PITRM1: variants seen among roughly 807,000 people sequenced by gnomAD.
The protein encoded by PITRM1 is pitrilysin metallopeptidase 1.
PITRM1 carries 100 observed loss-of-function variants against 129.9 expected under a neutral mutation model. The observed-to-expected ratio is 0.77, with a 90% CI of 0.65 to 0.91. PITRM1 has a LOEUF of 0.91. Ranked by LOEUF, PITRM1 falls within the 40% of genes least tolerant of loss-of-function variation. PITRM1 has a pLI of 0.00. For synonymous variants in PITRM1, 591 were observed against 508.8 expected, an observed-to-expected ratio of 1.16 and a Z score of -2.17; for missense variants, 1,471 against 1,318.3, an observed-to-expected ratio of 1.12 and a Z score of -1.79.
Position 3,137,896 on chromosome 10 carries a change from G to A in PITRM1, c.*135C>T, listed in dbSNP as rs1268110774. ...ACTCTTAAGATAGATCTGAGTTTTT[G>A]ACTCGCCAGTCAAGGGCTTTGGCGA... On this transcript the variant is annotated 3_prime_UTR_variant, in exon 27 of 27. Transcript: ENST00000224949. The A allele has an allele frequency of 1.3e-5, 8 of 618,942 alleles. No homozygotes were observed. The highest frequency in any genetic ancestry group is 2.0e-5 in the South Asian group (1 of 51,088). 38.3% of individuals were successfully genotyped at this position (618,942 alleles called of 1,614,324 possible). A position where few individuals can be genotyped will look rare whatever the true frequency, so the allele number is the denominator to read the frequency against.
rs537269577 is a variant in PITRM1, at chr10:3,138,245, C to A, written c.3010G>T (p.Val1004Leu). Residue 1004 changes from valine to leucine, a missense_variant, in exon 26 of 27, where the codon GTG (valine) becomes TTG (leucine). Transcript: ENST00000224949. Reference protein sequence around the residue: ...FAVSHDKLLAVSDRYLGTGKS... With the variant: ...FAVSHDKLLALSDRYLGTGKS... Reference sequence around the variant, plus strand: ...CCGCTCCCCACTCACCTATCGCTCACGGCCAGGAGCTTGTCGTGGCTGACA... The same window carrying A: ...CCGCTCCCCACTCACCTATCGCTCAAGGCCAGGAGCTTGTCGTGGCTGACA... 1.9e-6 allele frequency: 3 copies of A among 1,612,706 alleles called. No individual in the cohort carries two copies. The highest frequency in any genetic ancestry group is 1.1e-5 in the South Asian group (1 of 91,056).
At chr10:3,144,859 A>T (rs11812157) in intron 21 of PITRM1, 26,276 of 152,692 alleles carry the variant, frequency 0.17, 2,351 homozygotes, top group African/African-American at 0.21. Flanking sequence ...TTAAGAAAAT[A>T]TTAAAATAAA....
At chr10:3,145,923 G>C (rs897797101) in intron 20 of PITRM1, 2 of 554,070 alleles carry the variant, frequency 3.6e-6, no homozygotes, top group African/African-American at 3.8e-5. Context: ...GTTCAATGTG[G>C]CAGCTAATGA....
At chr10:3,160,753 G>C (rs1208966560) in intron 7 of PITRM1, among the ~76,000 whole-genome samples, 1 of 149,220 alleles carries the variant, frequency 6.7e-6, no homozygotes, top group African/African-American at 2.5e-5. Flanking sequence ...ACCACACTTG[G>C]TTTTGGTGGG....
intron 4 of PITRM1, 79 bp from the exon 5 acceptor site, chr10:3,165,606 C>A: frequency 1.2e-6 from 1 of 865,724 alleles, no homozygotes; most frequent in Non-Finnish European, 1.9e-6. Flanking sequence ...CTCATTCCCC[C>A]TTTGTCCTAG....
intron 14 of PITRM1, among the ~76,000 whole-genome samples, chr10:3,153,561 G>T (rs1274399830): frequency 6.6e-6 from 1 of 152,068 alleles, no homozygotes; most frequent in Admixed American, 6.5e-5. Flanking sequence ...GGAGCTTGCA[G>T]TGAGCCGAGA....
intron 8 of PITRM1, 63 bp from the exon 9 acceptor site, chr10:3,159,999 T>C: frequency 7.7e-7 from 1 of 1,295,762 alleles, no homozygotes; most frequent in South Asian, 1.3e-5. Flanking sequence ...TACTCTAGGT[T>C]ATCTGGATAC....
chr10:3,163,500 C>T (rs1016883087), intron 7 of PITRM1: 14 of 380,036 alleles, frequency 3.7e-5, no homozygotes, highest in South Asian at 1.6e-4. Context: ...GGACTCTAAA[C>T]GCTGTGTTTG....
chr10:3,160,193 G>A lies in PITRM1; in HGVS notation c.918+11C>T. 6.2e-7 allele frequency: 1 copy of A among 1,613,388 alleles called. No individual in the cohort carries two copies. The highest frequency in any genetic ancestry group is 1.7e-5 in the Admixed American group (1 of 59,980). On this transcript the variant is annotated intron_variant, in intron 8 of 26. Coordinates refer to ENST00000224949, the MANE Select transcript of PITRM1 (RefSeq NM_014889.4). ...TTACCAGGAAGGACACAAACACGGT[G>A]GGGCACTCACAGGCTTGTCCCAGGG...
chr10:3,155,457 A>G, intron 14 of PITRM1, 134 bp downstream of exon 14: 1 of 1,054,782 alleles, frequency 9.5e-7, no homozygotes, highest in Non-Finnish European at 1.4e-6. Context: ...AATGCATCGA[A>G]CGTGAGCTCT....
Position 3,165,280 on chromosome 10 carries a change from CA to C in PITRM1, c.587del (p.Leu196TrpfsTer11). On this transcript the variant is annotated frameshift_variant, in exon 6 of 27. Coordinates refer to ENST00000224949, the MANE Select transcript of PITRM1 (RefSeq NM_014889.4). LOFTEE classifies it high-confidence loss of function. ...HENPSDPQTPLVFKGVVFNEM... is the reference protein window; with the variant it reads ...HENPSDPQTPXVFKGVVFNEM... ...CATTAAAGACGACTCCTTTAAAGAC[CA>C]AGGGCGTCTGGGGGTCGCTCGGATT... 6.3e-7 allele frequency: 1 copy of C among 1,585,216 alleles called. No individual in the cohort carries two copies.
chr10:3,141,651 G>A (rs1840212298), intron 23 of PITRM1: 1 of 470,544 alleles, frequency 2.1e-6, no homozygotes, highest in South Asian at 1.6e-5. Context: ...ACAATGATGG[G>A]AGGGTCTGCA....
At position 3,148,029 on chromosome 10, in the gene PITRM1, T is replaced by G. The variant is rs769963333; in HGVS notation, c.2027A>C (p.Asn676Thr). Residue 676 changes from asparagine (N) to threonine (T), a missense_variant, in exon 18 of 27, where the codon AAC (asparagine) becomes ACC (threonine). Transcript: ENST00000224949. ...CCATAGCTGCATCATGTCTGGCAGGTTTCGATCCAGGCAGAGAGAGGAGAA... is the reference window on the plus strand; with the variant it reads ...CCATAGCTGCATCATGTCTGGCAGGGTTCGATCCAGGCAGAGAGAGGAGAA... ...VLFSSLCLDR[N>T]LPDMMQLWSE... 6 of 1,613,766 alleles carry G rather than the reference T, an allele frequency of 3.7e-6. No homozygotes were observed. In the South Asian group the frequency reaches 6.6e-5, roughly 18 times the overall value.
intron 25 of PITRM1, 106 bp downstream of exon 25, chr10:3,138,798 G>T (rs1381639950): frequency 2.0e-6 from 2 of 1,012,894 alleles, no homozygotes; most frequent in Non-Finnish European, 3.2e-6. Context: ...CAAGGATGGA[G>T]GCACCAGAAG....
At chr10:3,152,053 T>G (rs1264119979) in intron 14 of PITRM1, among the ~76,000 whole-genome samples, 1 of 152,124 alleles carries the variant, frequency 6.6e-6, no homozygotes, top group African/African-American at 2.4e-5. Flanking sequence ...GGCCCTATAC[T>G]TGTTTTCTAT....
chr10:3,144,223 T>A, intron 22 of PITRM1, 69 bp downstream of exon 22: 1 of 853,030 alleles, frequency 1.2e-6, no homozygotes, highest in Non-Finnish European at 1.9e-6. Context: ...CATTCGAACA[T>A]CAGTGGCAGA....
rs1314280484 is a variant in PITRM1 at position 3,145,629 on chromosome 10, C to A, written c.2424G>T (p.Lys808Asn). The change falls in exon 21 of 27, where the codon AAG becomes AAT. Residue 808 changes from lysine (K) to asparagine (N), a missense_variant. Physicochemically the swap from Lys to Asn is moderately conservative, Grantham distance 94. Coordinates refer to ENST00000224949, the MANE Select transcript of PITRM1 (RefSeq NM_014889.4). Reference sequence around the variant, plus strand: ...TGTGTGGGCGCACAGGCCTCCGTTCCTTTTTACTCCGACCGATGCTTCTAA... The same window carrying A: ...TGTGTGGGCGCACAGGCCTCCGTTCATTTTTACTCCGACCGATGCTTCTAA... ...DFLRSIGRSK[K>N]ERRPVRPHTV... The A allele has an allele frequency of 1.3e-6, 2 of 1,550,022 alleles. No homozygotes were observed. The highest frequency in any genetic ancestry group is 8.7e-7 in the Non-Finnish European group (1 of 1,147,020).
chr10:3,165,447 T>G lies in PITRM1; in HGVS notation c.499A>C (p.Thr167Pro). The change falls in exon 5 of 27, where the codon ACC (threonine) becomes CCC (proline). Residue 167 changes from threonine (T) to proline (P), a missense_variant. Thr to Pro is a conservative substitution (Grantham distance 38). Transcript: ENST00000224949. ...QNLLSVYLDA[T>P]FFPCLRELDF... ...AGCTCGCGTAAACATGGGAAAAAGGTGGCATCCAAATACACCGAGAGGAGA... is the reference window on the plus strand; with the variant it reads ...AGCTCGCGTAAACATGGGAAAAAGGGGGCATCCAAATACACCGAGAGGAGA... 6.2e-7 allele frequency: 1 copy of G among 1,613,478 alleles called. No individual in the cohort carries two copies.
rs779570895 is a variant in PITRM1, at chr10:3,160,236, C to G, written c.886G>C (p.Val296Leu). The G allele has an allele frequency of 1.9e-6, 3 of 1,613,906 alleles. No individual in the cohort carries two copies. In the Admixed American group the frequency reaches 5.0e-5, roughly 27 times the overall value. Residue 296 changes from valine to leucine, a missense_variant, in exon 8 of 27, where the codon GTG (valine) becomes CTG (leucine). Transcript: ENST00000224949. ...SKFQKIEPST[V>L]VPAQTPWDKP... Reference sequence around the variant, plus strand: ...TCCCAGGGTGTCTGAGCTGGCACCACGGTGCTTGGTTCAATTTTCTGGAAT... The same window carrying G: ...TCCCAGGGTGTCTGAGCTGGCACCAGGGTGCTTGGTTCAATTTTCTGGAAT...
Sources: allele counts gnomAD v4.1 joint callset (sites outside exome capture counted in the v4.1 genomes callset), GRCh38; gene constraint gnomAD v4.1.1; transcripts MANE v1.5; gene names NCBI Gene and HGNC (gene_info 2026-07-23, HGNC 2026-07-21).